Variants in SPNS1 observed in about 807,000 individuals in gnomAD.
SPNS1 encodes protein spinster homolog 1.
In SPNS1, 22 loss-of-function variants were observed where a neutral mutation model predicts 50.3. That is an observed-to-expected ratio of 0.44 (90% CI 0.31 to 0.62). The LOEUF (loss-of-function observed/expected upper bound fraction) is 0.62. Among genes scored for constraint, SPNS1 ranks in the 20% least tolerant of loss-of-function variants. The probability of loss-of-function intolerance (pLI) is 0.07; values close to 1 mark genes in which losing one functional copy is unlikely to be tolerated. For synonymous variants in SPNS1, 295 were observed against 317.4 expected (o/e 0.93, Z 0.75); for missense variants, 576 against 728.6 (o/e 0.79, Z 2.41).
intron 5 of SPNS1, 141 bp downstream of exon 5, chr16:28,979,612 G>A (rs1965473748): frequency 1.2e-6 from 1 of 829,396 alleles, no homozygotes; most frequent in African/African-American, 1.7e-5. Flanking sequence ...GTGCAGTGGT[G>A]CAGTCATAGC....
At position 28,981,773 on chromosome 16, in the gene SPNS1, T is replaced by C; in HGVS notation, c.810-128T>C. ...CTGCTTGAATTACAGGCCCAGATCC[T>C]GGGAGCCAGAACCACCTCTGCACGG... On this transcript the variant is annotated intron_variant, in intron 6 of 11. Coordinates refer to ENST00000311008, the MANE Select transcript of SPNS1 (RefSeq NM_032038.3). The surrounding 1 kb of genome is among the most constrained non-coding windows in gnomAD (Gnocchi z 4.2). The C allele has an allele frequency of 6.7e-7, 1 of 1,494,130 alleles. No individual in the cohort carries two copies. Among genetic ancestry groups the C allele is most frequent in the South Asian group, 1.2e-5 (1 of 80,072 alleles). 92.6% of individuals were successfully genotyped at this position (1,494,130 alleles called of 1,614,324 possible). A position where few individuals can be genotyped will look rare whatever the true frequency, so the allele number is the denominator to read the frequency against.
chr16:28,982,923 G>A lies in SPNS1; in HGVS notation c.1221+1G>A, dbSNP rs1237440175. On this transcript the variant is annotated splice_donor_variant, in intron 9 of 11. Coordinates refer to ENST00000311008, the MANE Select transcript of SPNS1 (RefSeq NM_032038.3). LOFTEE classifies it high-confidence loss of function. ...GGCCATCGTGGCCGACATTCTGCTGGTGAGTTGCTGGGCAGCTCCAGGGTC... is the reference window on the plus strand; with the variant it reads ...GGCCATCGTGGCCGACATTCTGCTGATGAGTTGCTGGGCAGCTCCAGGGTC... 1 of 1,613,766 alleles carries A rather than the reference G, an allele frequency of 6.2e-7. No individual in the cohort carries two copies. The highest frequency in any genetic ancestry group is 8.5e-7 in the Non-Finnish European group (1 of 1,180,002).
At chr16:28,979,746 G>A (rs1295911393) in intron 5 of SPNS1, 3 of 392,444 alleles carry the variant, frequency 7.6e-6, no homozygotes, top group East Asian at 1.2e-4. Flanking sequence ...TTTGTAGGCT[G>A]GGTGTGGTGG....
rs1567529185 is a variant in SPNS1 at position 28,984,402 on chromosome 16, GA to G, written c.*104del. On this transcript the variant is annotated 3_prime_UTR_variant, in exon 12 of 12. Coordinates refer to ENST00000311008, the MANE Select transcript of SPNS1 (RefSeq NM_032038.3). ...CTTGGCCTGGCCCAGCTTCCAGAGG[GA>G]CCCTGGGCCGTGTGCCAGCTCCCAG... The G allele has an allele frequency of 1.4e-5, 17 of 1,188,852 alleles. No individual in the cohort carries two copies. The highest frequency in any genetic ancestry group is 2.1e-5 in the Non-Finnish European group (17 of 826,392). 73.6% of individuals were successfully genotyped at this position (1,188,852 alleles called of 1,614,324 possible). A position where few individuals can be genotyped will look rare whatever the true frequency, so the allele number is the denominator to read the frequency against.
Position 28,978,064 on chromosome 16 carries a change from C to G in SPNS1, c.444+20C>G. The G allele has an allele frequency of 6.2e-7, 1 of 1,609,034 alleles. No individual in the cohort carries two copies. Among genetic ancestry groups the G allele is most frequent in the Non-Finnish European group, 8.5e-7 (1 of 1,176,824 alleles). ...GGAGAGGTGAGGCCCCAAGCTGGCT[C>G]CTGTTTCTGCCCACACCCCCTCCCT... On this transcript the variant is annotated intron_variant, in intron 3 of 11. Coordinates refer to ENST00000311008, the MANE Select transcript of SPNS1 (RefSeq NM_032038.3).
At chr16:28,982,615 A>C in intron 8 of SPNS1, 70 bp downstream of exon 8, 1 of 1,491,840 alleles carries the variant, frequency 6.7e-7, no homozygotes. Context: ...CGTAATGGCC[A>C]CTCGAGGTGG....
At chr16:28,984,046 A>T in intron 11 of SPNS1, 89 bp downstream of exon 11, 1 of 1,475,096 alleles carries the variant, frequency 6.8e-7, no homozygotes. Flanking sequence ...CTGGCAGCTC[A>T]GTCCACAGCC....
At chr16:28,978,231 A>G (rs780615062) in intron 3 of SPNS1, among the ~76,000 whole-genome samples, 187 bp downstream of exon 3, 33 of 150,986 alleles carry the variant, frequency 2.2e-4, no homozygotes, top group Non-Finnish European at 4.4e-4. Context: ...CTTCCAGAGC[A>G]TTCTCTGTCC....
chr16:28,975,071 C>A lies in SPNS1; in HGVS notation c.-81C>A. 8 of 1,437,616 alleles carry A rather than the reference C, an allele frequency of 5.6e-6. No homozygotes were observed. The highest frequency in any genetic ancestry group is 6.4e-6 in the Non-Finnish European group (7 of 1,100,048). The allele number at this position is 1,437,616 out of a possible 1,614,324, so 89.1% of individuals were successfully genotyped here. A position where few individuals can be genotyped will look rare whatever the true frequency, so the allele number is the denominator to read the frequency against. ...CTTCCCTCGCCTGTGTTCGGTCCAT[C>A]CTCCTTTCTCCAGCCTCCTCCCCTC... is the stretch of plus-strand genomic sequence containing the variant. On this transcript the variant is annotated 5_prime_UTR_variant, in exon 1 of 12. Coordinates refer to ENST00000311008, the MANE Select transcript of SPNS1 (RefSeq NM_032038.3).
Position 28,984,291 on chromosome 16 carries a change from C to A in SPNS1, c.1579C>A (p.Leu527Ile). 1 of 1,612,376 alleles carries A rather than the reference C, an allele frequency of 6.2e-7. No homozygotes were observed. Among genetic ancestry groups the A allele is most frequent in the Non-Finnish European group, 8.5e-7 (1 of 1,179,898 alleles). The change falls in exon 12 of 12, where the codon CTC becomes ATC. Residue 527 changes from leucine (L) to isoleucine (I), a missense_variant. Physicochemically the swap from Leu to Ile is conservative, Grantham distance 5. Around this residue, in one of 3 missense-constraint regions of SPNS1, gnomAD observed 428 missense variants for 520.1 expected, o/e 0.82. Transcript: ENST00000311008. ...CACCCGCGTGCCCGTGGCCAGTGTGCTCATCTGAGAGGCTGCCGCTCACCT... is the reference window on the plus strand; with the variant it reads ...CACCCGCGTGCCCGTGGCCAGTGTGATCATCTGAGAGGCTGCCGCTCACCT... Reference protein sequence around the residue: ...RSTRVPVASVLI With the variant: ...RSTRVPVASVII
intron 5 of SPNS1, chr16:28,980,824 A>C (rs944872956): frequency 6.5e-6 from 1 of 152,986 alleles, no homozygotes. Flanking sequence ...ACTGCACTCC[A>C]GCCTGGGTGA....
Position 28,984,375 on chromosome 16 carries a change from C to T in SPNS1, c.*76C>T. The T allele has an allele frequency of 5.5e-6, 8 of 1,443,154 alleles. No homozygotes were observed. Among genetic ancestry groups the T allele is most frequent in the Non-Finnish European group, 7.6e-6 (8 of 1,049,218 alleles). 89.4% of individuals were successfully genotyped at this position (1,443,154 alleles called of 1,614,324 possible). ...ACCCCACGAAGGGCCTGGGCCTAAC[C>T]CCTTGGCCTGGCCCAGCTTCCAGAG... On this transcript the variant is annotated 3_prime_UTR_variant, in exon 12 of 12. Coordinates refer to ENST00000311008, the MANE Select transcript of SPNS1 (RefSeq NM_032038.3).
Position 28,979,320 on chromosome 16 carries a change from G to C in SPNS1, c.596+14G>C. 6.2e-7 allele frequency: 1 copy of C among 1,614,142 alleles called. No homozygotes were observed. The highest frequency in any genetic ancestry group is 8.5e-7 in the Non-Finnish European group (1 of 1,180,014). Reference sequence around the variant, plus strand: ...TCCGGTGGGCAGGTGAGTGGGCCTGGGGCCTGGGGGAAGGCAGAAGGGCCT... The same window carrying C: ...TCCGGTGGGCAGGTGAGTGGGCCTGCGGCCTGGGGGAAGGCAGAAGGGCCT... On this transcript the variant is annotated intron_variant, in intron 4 of 11. Coordinates refer to ENST00000311008, the MANE Select transcript of SPNS1 (RefSeq NM_032038.3).
At chr16:28,984,681 A>G, downstream of SPNS1, 1 of 653,714 alleles carries the variant, frequency 1.5e-6, no homozygotes, top group Non-Finnish European at 2.7e-6. Context: ...GGCGACTGAG[A>G]TGGGGGACTG....
At chr16:28,984,118 C>A in intron 11 of SPNS1, 87 bp from the exon 12 acceptor site, 3 of 1,460,582 alleles carry the variant, frequency 2.1e-6, no homozygotes, top group Non-Finnish European at 2.8e-6. Context: ...GTGGCTGCCC[C>A]ATCCATTTCC....
chr16:28,977,810 A>G, intron 2 of SPNS1, 98 bp from the exon 3 acceptor site: 1 of 1,486,818 alleles, frequency 6.7e-7, no homozygotes, highest in Non-Finnish European at 9.2e-7. Flanking sequence ...TTCTGTAAGG[A>G]GAAGGCAGGC....
chr16:28,978,547 T>C (rs1007153489), intron 3 of SPNS1: 2 of 159,450 alleles, frequency 1.3e-5, no homozygotes, highest in African/African-American at 4.8e-5. Context: ...AACTTCCTGG[T>C]CCTGTTCATG....
chr16:28,978,321 T>C (rs1385158914), intron 3 of SPNS1, among the ~76,000 whole-genome samples: 1 of 151,908 alleles, frequency 6.6e-6, no homozygotes, highest in African/African-American at 2.4e-5. Context: ...CTGCCCTCTC[T>C]CCCTCCTCTC....
rs753579824 is a variant in SPNS1, at chr16:28,981,562, G to A, written c.756G>A (p.Leu252=). ...PRGAVERHSD[L]PPLNPTSWWA... is the part of the protein sequence containing the mutation. ...GAGCCGTGGAGCGCCACTCAGATTT[G>A]CCACCCCTGAACCCCACCTCGTGGT... is the stretch of plus-strand genomic sequence containing the variant. Residue 252 remains leucine (L), a synonymous_variant, in exon 6 of 12, where the codon TTG becomes TTA. Transcript: ENST00000311008. This position sits in a 1 kb window ranked among gnomAD's most constrained non-coding sequence, Gnocchi z 4.2. 16 of 1,614,100 alleles carry A rather than the reference G, an allele frequency of 9.9e-6. No homozygotes were observed. The highest frequency in any genetic ancestry group is 1.3e-5 in the Non-Finnish European group (15 of 1,180,028).
Sources: gnomAD v4.1 joint callset for allele counts (sites outside exome capture counted in the v4.1 genomes callset) on GRCh38, gnomAD v4.1.1 for gene constraint, gnomAD v4.1.1 regional missense constraint, Gnocchi (gnomAD v3.1) non-coding constraint, MANE v1.5 for transcripts, NCBI Gene and HGNC (gene_info 2026-07-23, HGNC 2026-07-21) for gene names.